CR1: variants seen among roughly 807,000 people sequenced by gnomAD.
CR1 encodes complement receptor type 1.
CR1 carries 116 observed loss-of-function variants against 187.3 expected under a neutral mutation model. The observed-to-expected ratio is 0.62, with a 90% CI of 0.53 to 0.72. The LOEUF is 0.72. Ranked by LOEUF, CR1 falls within the 30% of genes least tolerant of loss-of-function variation. CR1 has a pLI of 0.00. For missense variants in CR1, 1,731 were observed against 2,110.7 expected (o/e 0.82, Z 3.52); for synonymous variants, 576 against 747.1 (o/e 0.77, Z 3.73).
chr1:207,592,566 T>C (rs1192086923), intron 35 of CR1, among the ~76,000 whole-genome samples: 1 of 152,146 alleles, frequency 6.6e-6, no homozygotes, highest in African/African-American at 2.4e-5. Context: ...ACCACTCCTA[T>C]TCAACATAGT....
intron 35 of CR1, among the ~76,000 whole-genome samples, chr1:207,595,521 T>G (rs571200393): frequency 8.5e-5 from 13 of 152,198 alleles, no homozygotes; most frequent in African/African-American, 3.1e-4. Flanking sequence ...AGCACCAAGC[T>G]TCCGTTCTGT....
chr1:207,625,976 T>G (rs1470294719), intron 45 of CR1, among the ~76,000 whole-genome samples: 2 of 152,234 alleles, frequency 1.3e-5, no homozygotes, highest in Non-Finnish European at 1.5e-5. Context: ...GTCCCTCTCC[T>G]AATCCTAATC....
chr1:207,500,402 A>C (rs2102330291), intron 1 of CR1, among the ~76,000 whole-genome samples: 1 of 152,360 alleles, frequency 6.6e-6, no homozygotes, highest in African/African-American at 2.4e-5. Context: ...AAGTATGCAG[A>C]ATGGAAAGCA....
intron 1 of CR1, among the ~76,000 whole-genome samples, chr1:207,496,604 C>T (rs1433002420): frequency 6.6e-6 from 1 of 152,220 alleles, no homozygotes; most frequent in African/African-American, 2.4e-5. Flanking sequence ...CGTGGAGTTC[C>T]CAGGTGCAGG....
At chr1:207,616,963 G>A (rs1662118421) in intron 41 of CR1, among the ~76,000 whole-genome samples, 161 bp downstream of exon 41, 1 of 152,152 alleles carries the variant, frequency 6.6e-6, no homozygotes, top group Admixed American at 6.5e-5. Flanking sequence ...GTTATAGATA[G>A]GCACGCTGTC....
intron 32 of CR1, among the ~76,000 whole-genome samples, chr1:207,582,553 A>C (rs1407286583): frequency 6.6e-6 from 1 of 152,242 alleles, no homozygotes; most frequent in East Asian, 1.9e-4. Flanking sequence ...AATGCTCTTA[A>C]TTGAGTCAGT....
chr1:207,523,565 C>T (rs1660062469), intron 4 of CR1, 46 bp from the exon 5 acceptor site: 3 of 1,610,312 alleles, frequency 1.9e-6, no homozygotes, highest in Non-Finnish European at 2.5e-6. Flanking sequence ...TTCTGTCATT[C>T]ATTATTTAAA....
At chr1:207,578,842 C>T (rs1421296245) in intron 29 of CR1, among the ~76,000 whole-genome samples, 1 of 152,198 alleles carries the variant, frequency 6.6e-6, no homozygotes, top group Non-Finnish European at 1.5e-5. Context: ...TGGTCTGCCT[C>T]CTACATTTTA....
In CR1 at chr1:207,577,902, C is replaced by A. The variant is rs1184324442; in HGVS notation, c.4635C>A (p.Cys1545Ter). The change falls in exon 29 of 47, where the codon TGC becomes TGA. Residue 1545 changes from cysteine (C) to a stop codon, truncating the protein, a stop_gained. Coordinates refer to ENST00000367049, the MANE Select transcript of CR1 (RefSeq NM_000651.6). LOFTEE classifies it high-confidence loss of function. Reference protein sequence around the residue: ...FHYGSVVTYRCNLGSRGRKVF... With the variant: ...FHYGSVVTYR ...ATGGATCAGTGGTGACCTACCGCTG[C>A]AATCTTGGAAGCAGAGGGAGAAAGG... is the stretch of plus-strand genomic sequence containing the variant. 3 of 1,613,220 alleles carry A rather than the reference C, an allele frequency of 1.9e-6. No individual in the cohort carries two copies. The highest frequency in any genetic ancestry group is 1.7e-5 in the Admixed American group (1 of 60,022).
rs560188764 is a variant in CR1, at chr1:207,636,542, C to T, written c.7458-2855C>T. Among the ~76,000 whole-genome samples the T allele has an allele frequency of 1.2e-4, 19 of 152,270 alleles. No individual in the cohort carries two copies. The South Asian group carries it at 3.9e-3, about 32-fold the overall frequency. ...ATCCAAATGACAGTTTGTCTAAGATCATTAATTTGGTTTGCCAATTTTTGA... is the reference window on the plus strand; with the variant it reads ...ATCCAAATGACAGTTTGTCTAAGATTATTAATTTGGTTTGCCAATTTTTGA... On this transcript the variant is annotated intron_variant, in intron 46 of 46. Transcript: ENST00000367049.
intron 28 of CR1, 93 bp downstream of exon 28, chr1:207,575,773 A>G: frequency 6.3e-7 from 1 of 1,576,184 alleles, no homozygotes; most frequent in Non-Finnish European, 8.7e-7. Context: ...CCCTCTTGGA[A>G]ATGGTATCCT....
intron 27 of CR1, among the ~76,000 whole-genome samples, chr1:207,574,056 C>T (rs1660659427): frequency 6.6e-6 from 1 of 152,112 alleles, no homozygotes; most frequent in South Asian, 2.1e-4. Flanking sequence ...TCACCTGAGC[C>T]CAGGAGGCTG....
intron 4 of CR1, among the ~76,000 whole-genome samples, chr1:207,516,962 C>A (rs1377251562): frequency 1.3e-5 from 2 of 152,006 alleles, no homozygotes; most frequent in Non-Finnish European, 2.9e-5. Context: ...TTGGCTAGAA[C>A]CTCCAGTACA....
intron 35 of CR1, among the ~76,000 whole-genome samples, chr1:207,598,425 T>TC (rs902818245): frequency 3.3e-5 from 5 of 151,650 alleles, no homozygotes; most frequent in African/African-American, 1.2e-4. Flanking sequence ...CAAGAACTTT[T>TC]TTTTTTTTCT....
chr1:207,603,624 C>T (rs936534433), intron 35 of CR1, among the ~76,000 whole-genome samples: 3 of 152,070 alleles, frequency 2.0e-5, no homozygotes, highest in Admixed American at 6.5e-5. Context: ...TTAAGCCAAA[C>T]GACTACACTG....
chr1:207,609,767 T>C (rs958991068), intron 37 of CR1, 79 bp downstream of exon 37: 3 of 1,397,284 alleles, frequency 2.1e-6, no homozygotes, highest in Non-Finnish European at 2.8e-6. Flanking sequence ...AAGGAAGAAG[T>C]GTATAAGGAC....
rs1177335608 is a variant in CR1 at position 207,640,952 on chromosome 1, A to G, written c.*1543A>G. 6.6e-6 allele frequency: 1 copy of G among 152,220 alleles called. No homozygotes were observed. The highest frequency in any genetic ancestry group is 1.5e-5 in the Non-Finnish European group (1 of 68,038). 9.4% of individuals were successfully genotyped at this position (152,220 alleles called of 1,614,324 possible). A position where few individuals can be genotyped will look rare whatever the true frequency, so the allele number is the denominator to read the frequency against. ...TAAGAAAAATCAACTGATAAACTGC[A>G]AGAAAAAAATGCAACTTACATCACA... On this transcript the variant is annotated 3_prime_UTR_variant, in exon 47 of 47. Coordinates refer to ENST00000367049, the MANE Select transcript of CR1 (RefSeq NM_000651.6).
chr1:207,520,965 G>GTTTTTTTTTTTTTTTTTTTTTTTTT (rs1659969781), intron 4 of CR1, among the ~76,000 whole-genome samples: 1 of 107,788 alleles, frequency 9.3e-6, no homozygotes, highest in Non-Finnish European at 1.9e-5. Flanking sequence ...TTTTTTTTTG[G>GTTTTTTTTTTTTTTTTTTTTTTTTT]TTGTTTTTTT....
chr1:207,526,016 G>T (rs1660157249), intron 5 of CR1, among the ~76,000 whole-genome samples: 1 of 152,060 alleles, frequency 6.6e-6, no homozygotes, highest in Non-Finnish European at 1.5e-5. Flanking sequence ...AATGTGTTCT[G>T]ATTTCCTGAG....
Sources: gnomAD v4.1 joint callset for allele counts (sites outside exome capture counted in the v4.1 genomes callset) on GRCh38, gnomAD v4.1.1 for gene constraint, MANE v1.5 for transcripts, NCBI Gene and HGNC (gene_info 2026-07-23, HGNC 2026-07-21) for gene names.